USP40: variants seen among roughly 807,000 people sequenced by gnomAD.
The protein encoded by USP40 is ubiquitin specific peptidase 40, also known as ubiquitin carboxyl-terminal hydrolase 40.
A neutral mutation model predicts 166.2 loss-of-function variants in USP40; 143 were observed. The observed-to-expected ratio is 0.86, with a 90% confidence interval of 0.75 to 0.99. The LOEUF is 0.99. USP40 is among the 50% of genes least tolerant of loss of function. USP40 has a pLI of 0.00. For synonymous variants in USP40, 498 were observed against 524.0 expected (o/e 0.95, Z 0.68); for missense variants, 1,444 against 1,479.7 (o/e 0.98, Z 0.40).
intron 10 of USP40, among the ~76,000 whole-genome samples, chr2:233,536,594 T>C (rs1008392607): frequency 6.6e-6 from 1 of 152,120 alleles, no homozygotes; most frequent in African/African-American, 2.4e-5. Context: ...GAGATTGCAG[T>C]GAGCTGAGAT....
In USP40 at chr2:233,491,181, C is replaced by T. The variant is rs751327556; in HGVS notation, c.2998G>A (p.Glu1000Lys). ...IEISEDATLAELKSQAMTLPP... is the reference protein window; with the variant it reads ...IEISEDATLAKLKSQAMTLPP... ...AGAAGTCTGACCTGAGACTTCAGCT[C>T]CGCCAGCGTGGCATCTTCTGAGATC... The change falls in exon 26 of 32, where the codon GAG (glutamate) becomes AAG (lysine). Residue 1000 changes from glutamate to lysine, a missense_variant. Transcript: ENST00000678225. 1.1e-5 allele frequency: 17 copies of T among 1,609,112 alleles called. No homozygotes were observed. Among genetic ancestry groups the T allele is most frequent in the Non-Finnish European group, 1.4e-5 (16 of 1,177,772 alleles).
intron 12 of USP40, 102 bp downstream of exon 12, chr2:233,529,329 T>A: frequency 1.0e-6 from 1 of 970,252 alleles, no homozygotes; most frequent in Non-Finnish European, 1.5e-6. Flanking sequence ...ACAAGTTGAC[T>A]ATTTTTTTTC....
At chr2:233,495,330 G>T (rs930101071) in intron 24 of USP40, among the ~76,000 whole-genome samples, 17 of 151,422 alleles carry the variant, frequency 1.1e-4, no homozygotes, top group Non-Finnish European at 1.9e-4. Flanking sequence ...TATTTTACAT[G>T]GTTAGTCTTC....
Position 233,506,738 on chromosome 2 carries a change from T to TA in USP40, c.2613+3310dup, listed in dbSNP as rs1369960428. On this transcript the variant is annotated intron_variant, in intron 21 of 31. Transcript: ENST00000678225. ...GGTGAGACACTGCCTCTACCGAAAA[T>TA]ACAAAAAAAAAAAAAAAAAAAAAAT... Among the ~76,000 whole-genome samples, 54 of 37,016 alleles carry TA rather than the reference T, an allele frequency of 1.5e-3. 1 individual carries two copies. Among genetic ancestry groups the TA allele is most frequent in the African/African-American group, 6.6e-3 (48 of 7,302 alleles). 24.3% of individuals were successfully genotyped at this position (37,016 alleles called of 152,430 possible).
Position 233,540,735 on chromosome 2 carries a change from C to G in USP40, c.1097G>C (p.Gly366Ala). 6.2e-7 allele frequency: 1 copy of G among 1,613,356 alleles called. No individual in the cohort carries two copies. The highest frequency in any genetic ancestry group is 8.5e-7 in the Non-Finnish European group (1 of 1,179,594). The change falls in exon 10 of 32, where the codon GGC becomes GCC. Residue 366 changes from glycine (G) to alanine (A), a missense_variant. Physicochemically the swap from Gly to Ala is moderately conservative, Grantham distance 60. Coordinates refer to ENST00000678225, the MANE Select transcript of USP40 (RefSeq NM_001365479.2). ...ENNLIPVDQL[G>A]QKLLKKIGIS... is the part of the protein sequence containing the mutation. ...TCCTATCTTTTTCAAAAGTTTCTGG[C>G]CCAGCTGATCAACAGGAATTAGATT... is the stretch of plus-strand genomic sequence containing the variant.
At chr2:233,525,110 G>A (rs2067923378) in intron 14 of USP40, among the ~76,000 whole-genome samples, 1 of 152,180 alleles carries the variant, frequency 6.6e-6, no homozygotes, top group Non-Finnish European at 1.5e-5. Flanking sequence ...TACAAAATCT[G>A]AAGCTGAGAA....
In USP40 at chr2:233,525,458, TG is replaced by T. The variant is rs1343442180; in HGVS notation, c.1810+19del. The T allele has an allele frequency of 6.3e-7, 1 of 1,597,276 alleles. No individual in the cohort carries two copies. The highest frequency in any genetic ancestry group is 1.7e-5 in the Admixed American group (1 of 59,512). On this transcript the variant is annotated intron_variant, in intron 14 of 31. Transcript: ENST00000678225. Reference sequence around the variant, plus strand: ...TGTAGATATATAGAGTGAGTTGCTATGTTTTCATATTTATCTTACCGCCAAG... The same window carrying T: ...TGTAGATATATAGAGTGAGTTGCTATTTTTCATATTTATCTTACCGCCAAG...
rs1278928539 is a variant in USP40 at position 233,493,350 on chromosome 2, G to T, written c.2917+75C>A. The T allele has an allele frequency of 2.5e-6, 4 of 1,591,266 alleles. No individual in the cohort carries two copies. Among genetic ancestry groups the T allele is most frequent in the East Asian group, 4.5e-5 (2 of 44,646 alleles). ...CGTTTTAAAAATAAATATATCAATT[G>T]ACTCTCAGAGCACAGGCAGTCAATT... is the stretch of plus-strand genomic sequence containing the variant. On this transcript the variant is annotated intron_variant, in intron 25 of 31. Coordinates refer to ENST00000678225, the MANE Select transcript of USP40 (RefSeq NM_001365479.2). This position sits in a 1 kb window ranked among gnomAD's most constrained non-coding sequence, Gnocchi z 4.7.
rs367639854 is a variant in USP40, at chr2:233,533,939, A to G, written c.1171-160T>C. Among the ~76,000 whole-genome samples, 38 of 152,322 alleles carry G rather than the reference A, an allele frequency of 2.5e-4. No homozygotes were observed. In the East Asian group the frequency reaches 4.2e-3, roughly 17 times the overall value. On this transcript the variant is annotated intron_variant, in intron 10 of 31. Coordinates refer to ENST00000678225, the MANE Select transcript of USP40 (RefSeq NM_001365479.2). Reference sequence around the variant, plus strand: ...GGAAAATCCATCTAGGTATCATAAAACATTTAATAAAACCACAGTGCTCTG... The same window carrying G: ...GGAAAATCCATCTAGGTATCATAAAGCATTTAATAAAACCACAGTGCTCTG...
chr2:233,551,312 G>T, intron 7 of USP40, 64 bp downstream of exon 7: 1 of 1,497,990 alleles, frequency 6.7e-7, no homozygotes, highest in East Asian at 2.3e-5. Context: ...CTGAAAATCG[G>T]GTCAATAATA....
chr2:233,529,814 C>CTTTTTTTTTTTTTTTTTTTTTTT (rs369071345), intron 11 of USP40, among the ~76,000 whole-genome samples: 1 of 133,950 alleles, frequency 7.5e-6, no homozygotes, highest in Non-Finnish European at 1.5e-5. Context: ...TTTTCTTTTT[C>CTTTTTTTTTTTTTTTTTTTTTTT]TTTTTTTTTT....
intron 18 of USP40, among the ~76,000 whole-genome samples, chr2:233,513,264 G>C (rs982556510): frequency 6.6e-6 from 1 of 152,096 alleles, no homozygotes; most frequent in Non-Finnish European, 1.5e-5. Context: ...CATTCCCAGA[G>C]GTAGCTGCTG....
chr2:233,487,769 G>C (rs1177261821), intron 28 of USP40: 1 of 325,002 alleles, frequency 3.1e-6, no homozygotes, highest in Non-Finnish European at 6.1e-6. Flanking sequence ...AGGTATTAAG[G>C]ATATAGCAAT....
At chr2:233,494,915 CAT>C (rs1169787200) in intron 24 of USP40, among the ~76,000 whole-genome samples, 66 of 11,344 alleles carry the variant, frequency 5.8e-3, no homozygotes, top group Middle Eastern at 0.071. Context: ...AGCAAAATGG[CAT>C]ATATATATAT....
Position 233,523,269 on chromosome 2 carries a change from C to A in USP40, c.2102G>T (p.Trp701Leu). The A allele has an allele frequency of 6.2e-7, 1 of 1,613,944 alleles. No homozygotes were observed. Among genetic ancestry groups the A allele is most frequent in the Non-Finnish European group, 8.5e-7 (1 of 1,179,872 alleles). ...NSAGCPGGEGWTAIPKEDMRK... is the reference protein window; with the variant it reads ...NSAGCPGGEGLTAIPKEDMRK... ...CATGTCTTCCTTGGGGATGGCCGTC[C>A]AACCCTCCCCACCTGGACATCCAGC... The change falls in exon 16 of 32, where the codon TGG becomes TTG. Residue 701 changes from tryptophan to leucine, a missense_variant. By Grantham distance (61) the Trp-to-Leu change is moderately conservative (BLOSUM62 -2). Coordinates refer to ENST00000678225, the MANE Select transcript of USP40 (RefSeq NM_001365479.2).
chr2:233,481,279 C>T lies in USP40; in HGVS notation c.3523G>A (p.Asp1175Asn), dbSNP rs1432994207. 6 of 1,603,408 alleles carry T rather than the reference C, an allele frequency of 3.7e-6. No individual in the cohort carries two copies. The highest frequency in any genetic ancestry group is 2.2e-5 in the East Asian group (1 of 44,770). ...IGVKNLLIDDDDDFSTIRDDT... is the reference protein window; with the variant it reads ...IGVKNLLIDDNDDFSTIRDDT... ...TCTCTGATTGTACTGAAATCATCAT[C>T]GTCGTCAATCAGGAGATTCTACATT... The change falls in exon 31 of 32, where the codon GAT becomes AAT. Residue 1175 changes from aspartate (D) to asparagine (N), a missense_variant. Coordinates refer to ENST00000678225, the MANE Select transcript of USP40 (RefSeq NM_001365479.2).
chr2:233,533,925 C>G (rs1193802234), intron 10 of USP40, 146 bp from the exon 11 acceptor site: 1 of 832,704 alleles, frequency 1.2e-6, no homozygotes, highest in East Asian at 2.7e-5. Context: ...GAAAATCCAT[C>G]TAGGTATCAT....
chr2:233,489,574 G>A, intron 26 of USP40, 91 bp from the exon 27 acceptor site: 1 of 996,852 alleles, frequency 1.0e-6, no homozygotes, highest in Non-Finnish European at 1.5e-6. Flanking sequence ...GCACTACACA[G>A]TGGCATCTCA....
intron 2 of USP40, among the ~76,000 whole-genome samples, chr2:233,564,888 G>A (rs2071996272): frequency 1.3e-5 from 2 of 151,914 alleles, no homozygotes; most frequent in South Asian, 4.2e-4. Context: ...ATCAGATGAG[G>A]GTGTGAGCTT....
Sources: gnomAD v4.1 joint callset for allele counts (sites outside exome capture counted in the v4.1 genomes callset) on GRCh38, gnomAD v4.1.1 for gene constraint, Gnocchi (gnomAD v3.1) non-coding constraint, MANE v1.5 for transcripts, NCBI Gene and HGNC (gene_info 2026-07-23, HGNC 2026-07-21) for gene names.